The following EPB41L4B variants were observed in gnomAD, a reference collection of about 807,000 sequenced individuals.
The protein encoded by EPB41L4B is band 4.1-like protein 4B.
Under a neutral mutation model 112.5 loss-of-function variants are expected in EPB41L4B, and 30 were observed. The observed-to-expected ratio is 0.27, with a 90% confidence interval of 0.20 to 0.36. The LOEUF (loss-of-function observed/expected upper bound fraction) is 0.36. Ranked by LOEUF, EPB41L4B falls within the 10% of genes least tolerant of loss-of-function variation. The pLI is 1.00. For missense variants in EPB41L4B, 1,024 were observed against 1,133.3 expected (o/e 0.90, Z 1.38); for synonymous variants, 408 against 439.7 (o/e 0.93, Z 0.90).
intron 1 of EPB41L4B, among the ~76,000 whole-genome samples, chr9:109,290,710 C>CATAT (rs138734040): frequency 5.7e-4 from 83 of 145,960 alleles, no homozygotes; most frequent in African/African-American, 1.7e-3. Flanking sequence ...GGAAACTAGC[C>CATAT]ATATATATAT....
At chr9:109,246,807 G>A (rs1175736975) in intron 14 of EPB41L4B, among the ~76,000 whole-genome samples, 1 of 152,350 alleles carries the variant, frequency 6.6e-6, no homozygotes, top group South Asian at 2.1e-4. Context: ...ACAGCAAGAC[G>A]CCAGCCATAG....
At chr9:109,318,269 G>A (rs568551155) in intron 1 of EPB41L4B, among the ~76,000 whole-genome samples, 2 of 152,232 alleles carry the variant, frequency 1.3e-5, no homozygotes, top group African/African-American at 4.8e-5. Flanking sequence ...TGGGACAGGG[G>A]AATTCTTTTG....
chr9:109,320,057 C>G, intron 1 of EPB41L4B, 84 bp downstream of exon 1: 1 of 1,189,520 alleles, frequency 8.4e-7, no homozygotes, highest in Non-Finnish European at 1.1e-6. Context: ...GCAAGGGAAG[C>G]GCCCCCGATG....
At chr9:109,307,015 G>GTTTTT (rs534923556) in intron 1 of EPB41L4B, among the ~76,000 whole-genome samples, 27 of 124,434 alleles carry the variant, frequency 2.2e-4, no homozygotes, top group Non-Finnish European at 2.7e-4. Context: ...TGCTGCAGTT[G>GTTTTT]TTTTTTTTTT....
At chr9:109,233,616 C>T (rs1359286408) in intron 15 of EPB41L4B, among the ~76,000 whole-genome samples, 6 of 151,382 alleles carry the variant, frequency 4.0e-5, no homozygotes, top group African/African-American at 1.2e-4. Flanking sequence ...CTGCAGCCTC[C>T]GCCTCCCGGG....
chr9:109,188,962 C>T (rs1471472714), intron 22 of EPB41L4B, among the ~76,000 whole-genome samples: 1 of 152,140 alleles, frequency 6.6e-6, no homozygotes, highest in African/African-American at 2.4e-5. Context: ...CTTGGAGTAG[C>T]GTGCAGGACT....
At chr9:109,299,074 G>A (rs1214348816) in intron 1 of EPB41L4B, among the ~76,000 whole-genome samples, 2 of 152,160 alleles carry the variant, frequency 1.3e-5, no homozygotes, top group East Asian at 1.9e-4. Flanking sequence ...TAAAGACAGG[G>A]GACATTCTAA....
At chr9:109,276,093 A>G (rs1199421804) in intron 2 of EPB41L4B, among the ~76,000 whole-genome samples, 1 of 148,058 alleles carries the variant, frequency 6.8e-6, no homozygotes, top group African/African-American at 2.5e-5. Flanking sequence ...CATATATATT[A>G]TATATGTGTA....
Position 109,320,453 on chromosome 9 carries a change from T to C in EPB41L4B, c.-7A>G. Reference sequence around the variant, plus strand: ...GGCGCAGGAACCGCAGCATCCTGGCTGGGGGCGCCCCCTGCCTCCGCCCCC... The same window carrying C: ...GGCGCAGGAACCGCAGCATCCTGGCCGGGGGCGCCCCCTGCCTCCGCCCCC... On this transcript the variant is annotated 5_prime_UTR_variant, in exon 1 of 26. Transcript: ENST00000374566. 5 of 986,858 alleles carry C rather than the reference T, an allele frequency of 5.1e-6. No individual in the cohort carries two copies. The highest frequency in any genetic ancestry group is 6.0e-6 in the Non-Finnish European group (5 of 833,150). 61.1% of individuals were successfully genotyped at this position (986,858 alleles called of 1,614,324 possible).
At position 109,248,919 on chromosome 9, in the gene EPB41L4B, C is replaced by T. The variant is rs111485178; in HGVS notation, c.1311-1130G>A. On this transcript the variant is annotated intron_variant, in intron 13 of 25. Transcript: ENST00000374566. ...CTAAAAATACAAAAAATTAGCCGGG[C>T]GTGGTGGCGGGCACCTGTAGTCCCA... Among the ~76,000 whole-genome samples, 243 of 151,748 alleles carry T rather than the reference C, an allele frequency of 1.6e-3. 1 individual carries two copies. The highest frequency in any genetic ancestry group is 5.6e-3 in the African/African-American group (231 of 41,354).
In EPB41L4B at chr9:109,197,066, T is replaced by C. The variant is rs1008491336; in HGVS notation, c.2046-2669A>G. Reference sequence around the variant, plus strand: ...AAAATATTTTCCAGAAAATCAGAGATCTGAGTTTTCCCATTTATATTCCTT... The same window carrying C: ...AAAATATTTTCCAGAAAATCAGAGACCTGAGTTTTCCCATTTATATTCCTT... On this transcript the variant is annotated intron_variant, in intron 20 of 25. Coordinates refer to ENST00000374566, the MANE Select transcript of EPB41L4B (RefSeq NM_019114.5). Among the ~76,000 whole-genome samples the C allele has an allele frequency of 2.0e-5, 3 of 152,206 alleles. No homozygotes were observed. The East Asian group carries it at 5.8e-4, about 29-fold the overall frequency.
chr9:109,314,352 G>C (rs1046141909), intron 1 of EPB41L4B, among the ~76,000 whole-genome samples: 1 of 152,172 alleles, frequency 6.6e-6, no homozygotes, highest in Non-Finnish European at 1.5e-5. Context: ...ATTTCAAAAC[G>C]AAACAGACCT....
chr9:109,216,206 T>C (rs10979754), intron 16 of EPB41L4B, among the ~76,000 whole-genome samples: 34,145 of 152,110 alleles, frequency 0.22, 4,047 homozygotes, highest in Middle Eastern at 0.3. Flanking sequence ...CAGAGAACTG[T>C]TAAGAAAGGA....
In EPB41L4B at chr9:109,215,090, G is replaced by C. The variant is rs925259632; in HGVS notation, c.1634-1272C>G. Among the ~76,000 whole-genome samples the C allele has an allele frequency of 2.0e-5, 3 of 152,090 alleles. No individual in the cohort carries two copies. In the East Asian group the frequency reaches 5.8e-4, roughly 29 times the overall value. On this transcript the variant is annotated intron_variant, in intron 16 of 25. Transcript: ENST00000374566. ...CAGAGTTGTTCCCTGTGGCCCCAAG[G>C]TGAAGGTTGGATGGCCCATCCTGTC...
chr9:109,194,241 G>T lies in EPB41L4B; in HGVS notation c.2202C>A (p.Gly734=). 1.9e-6 allele frequency: 3 copies of T among 1,614,200 alleles called. No homozygotes were observed. The highest frequency in any genetic ancestry group is 2.5e-6 in the Non-Finnish European group (3 of 1,180,030). ...VSSPHKSEGK[G]LLSPGAKSPS... ...ATACCTTGGCCCCAGGGGACAGCAGGCCTTTGCCTTCTGACTTGTGAGGCG... is the reference window on the plus strand; with the variant it reads ...ATACCTTGGCCCCAGGGGACAGCAGTCCTTTGCCTTCTGACTTGTGAGGCG... The change falls in exon 21 of 26, where the codon GGC becomes GGA. Residue 734 remains glycine (G), a synonymous_variant. Transcript: ENST00000374566.
chr9:109,176,633 C>A lies in EPB41L4B; in HGVS notation c.2551G>T (p.Ala851Ser). 6.2e-7 allele frequency: 1 copy of A among 1,614,066 alleles called. No individual in the cohort carries two copies. Among genetic ancestry groups the A allele is most frequent in the Non-Finnish European group, 8.5e-7 (1 of 1,180,006 alleles). Reference sequence around the variant, plus strand: ...GTCTCTGTCAAAGGCCTCAGGGTCGCTGCTGGGATCAGCGGGGAAGTCGGG... The same window carrying A: ...GTCTCTGTCAAAGGCCTCAGGGTCGATGCTGGGATCAGCGGGGAAGTCGGG... ...PGPTSPLIPA[A>S]TLRPLTETVS... Residue 851 changes from alanine to serine, a missense_variant, in exon 25 of 26, where the codon GCG (alanine) becomes TCG (serine). Transcript: ENST00000374566.
At chr9:109,284,539 A>T (rs957619184) in intron 1 of EPB41L4B, among the ~76,000 whole-genome samples, 3 of 152,146 alleles carry the variant, frequency 2.0e-5, no homozygotes, top group Non-Finnish European at 4.4e-5. Flanking sequence ...CAGCCTCCCC[A>T]GTAGCTAGGA....
At position 109,176,531 on chromosome 9, in the gene EPB41L4B, A is replaced by G. The variant is rs1588112131; in HGVS notation, c.2633+20T>C. 2 of 1,587,180 alleles carry G rather than the reference A, an allele frequency of 1.3e-6. No homozygotes were observed. The highest frequency in any genetic ancestry group is 4.5e-5 in the East Asian group (2 of 44,512). On this transcript the variant is annotated intron_variant, in intron 25 of 25. Transcript: ENST00000374566. ...CCCTGTCACCAGAATTACCTGTCGG[A>G]ACCTGCTGACCTGACCTACCTGGCT... is the stretch of plus-strand genomic sequence containing the variant.
chr9:109,216,477 C>G (rs946072141), intron 16 of EPB41L4B, among the ~76,000 whole-genome samples: 1 of 151,940 alleles, frequency 6.6e-6, no homozygotes, highest in African/African-American at 2.4e-5. Flanking sequence ...TCTGTCTCTA[C>G]TAAAAATACA....
Sources: gnomAD v4.1 joint callset for allele counts (sites outside exome capture counted in the v4.1 genomes callset) on GRCh38, gnomAD v4.1.1 for gene constraint, MANE v1.5 for transcripts, NCBI Gene and HGNC (gene_info 2026-07-23, HGNC 2026-07-21) for gene names.